APBB2: variants seen among roughly 807,000 people sequenced by gnomAD.
The protein encoded by APBB2 is Fe65-like 1.
APBB2 carries 38 observed loss-of-function variants against 82.5 expected under a neutral mutation model. The ratio of observed to expected loss-of-function variants is 0.46; its 90% CI spans 0.36 to 0.60. The LOEUF is 0.60. Ranked by LOEUF, APBB2 falls within the 20% of genes least tolerant of loss-of-function variation. The pLI is 0.00. For synonymous variants in APBB2, 341 were observed against 368.2 expected, an observed-to-expected ratio of 0.93 and a Z score of 0.85; for missense variants, 772 against 972.3, an observed-to-expected ratio of 0.79 and a Z score of 2.74.
At chr4:41,047,297 A>G (rs2154454778) in intron 4 of APBB2, among the ~76,000 whole-genome samples, 1 of 152,368 alleles carries the variant, frequency 6.6e-6, no homozygotes, top group East Asian at 1.9e-4. Context: ...AAGTATCTCA[A>G]AGGAAACTCA....
At chr4:41,130,480 GAGGAA>G (rs1755657792) in intron 2 of APBB2, among the ~76,000 whole-genome samples, 1 of 152,094 alleles carries the variant, frequency 6.6e-6, no homozygotes, top group Admixed American at 6.5e-5. Flanking sequence ...ATTCTCAACA[GAGGAA>G]TCCTGTTAAA....
intron 5 of APBB2, among the ~76,000 whole-genome samples, chr4:41,024,168 A>G (rs1712969916): frequency 6.6e-6 from 1 of 152,350 alleles, no homozygotes; most frequent in South Asian, 2.1e-4. Context: ...CTTATACCGT[A>G]TACAAAAATC....
chr4:40,814,502 G>A lies in APBB2; in HGVS notation c.*1590C>T, dbSNP rs1018819635. 6.6e-6 allele frequency: 1 copy of A among 152,140 alleles called. No individual in the cohort carries two copies. Among genetic ancestry groups the A allele is most frequent in the Non-Finnish European group, 1.5e-5 (1 of 68,030 alleles). The allele number at this position is 152,140 out of a possible 1,614,324, so 9.4% of individuals were successfully genotyped here. On this transcript the variant is annotated 3_prime_UTR_variant, in exon 18 of 18. Coordinates refer to ENST00000508593, the MANE Select transcript of APBB2 (RefSeq NM_004307.2). ...TTAGGCCAGTGGGTTTAGCCTCTCG[G>A]TACTTCATATTTTTACTTCTAAAGT...
chr4:41,106,866 C>A (rs942210058), intron 2 of APBB2, among the ~76,000 whole-genome samples: 9 of 152,036 alleles, frequency 5.9e-5, no homozygotes, highest in Admixed American at 3.3e-4. Context: ...TGGGTCTGGG[C>A]AGAGAAAGTA....
intron 2 of APBB2, among the ~76,000 whole-genome samples, chr4:41,126,473 T>G (rs901154664): frequency 2.6e-5 from 4 of 152,156 alleles, no homozygotes; most frequent in Non-Finnish European, 5.9e-5. Flanking sequence ...GGCGACCCTG[T>G]GAGCATTCAA....
intron 6 of APBB2, among the ~76,000 whole-genome samples, chr4:40,985,446 C>T (rs76028160): frequency 2.3e-4 from 35 of 152,160 alleles, no homozygotes; most frequent in Middle Eastern, 6.8e-3. Context: ...GCTTTTCAGG[C>T]GGTTACATGA....
chr4:40,999,266 C>G (rs957978921), intron 6 of APBB2, among the ~76,000 whole-genome samples: 1 of 151,938 alleles, frequency 6.6e-6, no homozygotes, highest in African/African-American at 2.4e-5. Flanking sequence ...TATAGGGAGA[C>G]CCTGTCTCTA....
chr4:40,965,839 G>C (rs936238352), intron 6 of APBB2, among the ~76,000 whole-genome samples: 3 of 152,128 alleles, frequency 2.0e-5, no homozygotes, highest in African/African-American at 7.2e-5. Context: ...ACATCATGTG[G>C]TCCCATGACT....
At chr4:41,200,778 T>C (rs1335176810) in intron 1 of APBB2, among the ~76,000 whole-genome samples, 1 of 152,220 alleles carries the variant, frequency 6.6e-6, no homozygotes, top group Non-Finnish European at 1.5e-5. Flanking sequence ...TTTCTCACAC[T>C]GCTTGGTCCT....
intron 2 of APBB2, among the ~76,000 whole-genome samples, chr4:41,105,776 C>T (rs542348734): frequency 1.3e-5 from 2 of 151,984 alleles, no homozygotes; most frequent in South Asian, 4.2e-4. Context: ...GTCCCAGCTA[C>T]TCAGGAGGCT....
At chr4:41,074,614 T>A (rs6837024) in intron 3 of APBB2, among the ~76,000 whole-genome samples, 15,187 of 116,564 alleles carry the variant, frequency 0.13, 1,272 homozygotes, top group East Asian at 0.27. Context: ...TATTATTTTT[T>A]TTTTTTTTTT....
At chr4:41,056,680 A>C (rs1228854118) in intron 4 of APBB2, among the ~76,000 whole-genome samples, 4 of 152,126 alleles carry the variant, frequency 2.6e-5, no homozygotes, top group African/African-American at 9.7e-5. Context: ...TCTACCTATT[A>C]ATTGGCACTG....
intron 6 of APBB2, among the ~76,000 whole-genome samples, chr4:41,008,998 CTG>C (rs1219323662): frequency 2.0e-5 from 3 of 152,204 alleles, no homozygotes; most frequent in Non-Finnish European, 4.4e-5. Flanking sequence ...GTTTCATACT[CTG>C]TGTCTTCAAT....
At chr4:41,121,668 T>C (rs1413794909) in intron 2 of APBB2, among the ~76,000 whole-genome samples, 1 of 152,210 alleles carries the variant, frequency 6.6e-6, no homozygotes, top group Non-Finnish European at 1.5e-5. Context: ...GGCTCCCATT[T>C]TGGTTCAGCC....
chr4:41,111,419 A>G (rs1360374406), intron 2 of APBB2, among the ~76,000 whole-genome samples: 4 of 152,278 alleles, frequency 2.6e-5, no homozygotes, highest in Non-Finnish European at 4.4e-5. Context: ...CCCAAGAGAT[A>G]GCAATGCTGC....
intron 7 of APBB2, among the ~76,000 whole-genome samples, chr4:40,936,316 A>G (rs184938265): frequency 6.6e-6 from 1 of 152,316 alleles, no homozygotes. Flanking sequence ...CAGTGGCCCA[A>G]TCACAGCTCA....
intron 8 of APBB2, 32 bp from the exon 9 acceptor site, chr4:40,934,731 A>G (rs778816084): frequency 1.3e-5 from 19 of 1,479,382 alleles, no homozygotes; most frequent in Middle Eastern, 1.8e-4. Context: ...TTAATGTACA[A>G]TGGGGGAGAA....
At chr4:40,862,057 A>G in intron 12 of APBB2, among the ~76,000 whole-genome samples, 1 of 152,226 alleles carries the variant, frequency 6.6e-6, no homozygotes, top group East Asian at 1.9e-4. Flanking sequence ...CAGGATACCA[A>G]TAACCTATGA....
intron 2 of APBB2, among the ~76,000 whole-genome samples, chr4:41,113,077 T>C (rs767887012): frequency 9.2e-5 from 14 of 152,182 alleles, no homozygotes; most frequent in South Asian, 2.1e-4. Flanking sequence ...TGTATGTCTA[T>C]TGAATTCTGT....
Sources: allele counts gnomAD v4.1 joint callset (sites outside exome capture counted in the v4.1 genomes callset), GRCh38; gene constraint gnomAD v4.1.1; transcripts MANE v1.5; gene names NCBI Gene and HGNC (gene_info 2026-07-23, HGNC 2026-07-21).